Variants in EPB41L5 observed in about 807,000 individuals in gnomAD.
EPB41L5 encodes erythrocyte membrane protein band 4.1 like 5.
EPB41L5 carries 55 observed loss-of-function variants against 106.6 expected under a neutral mutation model. The ratio of observed to expected loss-of-function variants is 0.52; its 90% CI spans 0.42 to 0.65. The LOEUF (loss-of-function observed/expected upper bound fraction) is 0.65. Ranked by LOEUF, EPB41L5 falls within the 30% of genes least tolerant of loss-of-function variation. The pLI is 0.00. For missense variants in EPB41L5, 871 were observed against 882.1 expected, an observed-to-expected ratio of 0.99 and a Z score of 0.16; for synonymous variants, 297 against 306.7, an observed-to-expected ratio of 0.97 and a Z score of 0.33.
chr2:120,059,828 A>C (rs1276147817), intron 3 of EPB41L5, among the ~76,000 whole-genome samples: 2 of 152,206 alleles, frequency 1.3e-5, no homozygotes. Flanking sequence ...GGCTGCTGTG[A>C]GTGTGACAGC....
chr2:120,049,846 T>G (rs1212704181), intron 3 of EPB41L5, among the ~76,000 whole-genome samples: 2 of 152,220 alleles, frequency 1.3e-5, no homozygotes, highest in African/African-American at 4.8e-5. Flanking sequence ...GGAGCTCTTG[T>G]AAGGCATGCC....
intron 20 of EPB41L5, among the ~76,000 whole-genome samples, chr2:120,157,849 C>G (rs1044530890): frequency 1.3e-5 from 2 of 150,484 alleles, no homozygotes; most frequent in African/African-American, 4.9e-5. Context: ...AATAATAGAC[C>G]GCTAGGTAGA....
At chr2:120,082,525 T>G (rs534872671) in intron 10 of EPB41L5, among the ~76,000 whole-genome samples, 4 of 152,268 alleles carry the variant, frequency 2.6e-5, no homozygotes, top group South Asian at 2.1e-4. Flanking sequence ...TTATTGAGGA[T>G]TTTTGCATCG....
chr2:120,148,576 C>T (rs1019000004), intron 20 of EPB41L5, among the ~76,000 whole-genome samples: 5 of 152,160 alleles, frequency 3.3e-5, no homozygotes, highest in African/African-American at 1.2e-4. Context: ...TGTGGATTTA[C>T]CTACTCTGGA....
At chr2:120,111,713 T>C (rs897010550) in intron 16 of EPB41L5, among the ~76,000 whole-genome samples, 2 of 152,138 alleles carry the variant, frequency 1.3e-5, no homozygotes, top group African/African-American at 2.4e-5. Flanking sequence ...TCCTTGCCAT[T>C]GCCCTTGCTC....
chr2:120,161,051 C>A, intron 21 of EPB41L5, 77 bp downstream of exon 21: 2 of 974,500 alleles, frequency 2.1e-6, no homozygotes, highest in South Asian at 1.3e-5. Flanking sequence ...CCAAGGGCAT[C>A]TAGTGATTAC....
chr2:120,097,395 G>A (rs925888759), intron 14 of EPB41L5, among the ~76,000 whole-genome samples: 10 of 152,176 alleles, frequency 6.6e-5, no homozygotes, highest in Non-Finnish European at 1.3e-4. Context: ...AGTACTGTTT[G>A]AAAAGGCACA....
At position 120,127,833 on chromosome 2, in the gene EPB41L5, C is replaced by A. The variant is rs769970826; in HGVS notation, c.1483C>A (p.Pro495Thr). Residue 495 changes from proline (P) to threonine (T), a missense_variant, in exon 17 of 25, where the codon CCT (proline) becomes ACT (threonine). Physicochemically the swap from Pro to Thr is conservative, Grantham distance 38. Coordinates refer to ENST00000263713, the MANE Select transcript of EPB41L5 (RefSeq NM_020909.4). ...VATRLPGLGEPEVEYETLKDT... is the reference protein window; with the variant it reads ...VATRLPGLGETEVEYETLKDT... Reference sequence around the variant, plus strand: ...CACCAGGCTTCCGGGATTAGGGGAACCTGAAGTTGAATATGAGAGTAAGTA... The same window carrying A: ...CACCAGGCTTCCGGGATTAGGGGAAACTGAAGTTGAATATGAGAGTAAGTA... 7 of 1,609,594 alleles carry A rather than the reference C, an allele frequency of 4.3e-6. No individual in the cohort carries two copies. The highest frequency in any genetic ancestry group is 5.9e-6 in the Non-Finnish European group (7 of 1,177,058).
At chr2:120,164,941 A>G in intron 22 of EPB41L5, 31 bp downstream of exon 22, 1 of 1,500,194 alleles carries the variant, frequency 6.7e-7, no homozygotes, top group Non-Finnish European at 9.1e-7. Flanking sequence ...TATGATGGAA[A>G]GAAATTTCTG....
chr2:120,170,838 T>G (rs1687643194), intron 24 of EPB41L5, among the ~76,000 whole-genome samples: 1 of 152,178 alleles, frequency 6.6e-6, no homozygotes, highest in African/African-American at 2.4e-5. Flanking sequence ...TCTATAATGG[T>G]TACCCTTGAT....
chr2:120,086,493 T>C (rs922815243), intron 10 of EPB41L5, among the ~76,000 whole-genome samples: 2 of 152,130 alleles, frequency 1.3e-5, no homozygotes, highest in Non-Finnish European at 2.9e-5. Context: ...CTGGTTGCAG[T>C]GGCTCACGTC....
chr2:120,152,929 C>T (rs184398720), intron 20 of EPB41L5, among the ~76,000 whole-genome samples: 11 of 152,260 alleles, frequency 7.2e-5, no homozygotes, highest in Admixed American at 2.0e-4. Context: ...TTGTTTTTTA[C>T]TGAGAGGTTT....
At chr2:120,043,215 C>A (rs905065677) in intron 3 of EPB41L5, among the ~76,000 whole-genome samples, 4 of 151,960 alleles carry the variant, frequency 2.6e-5, no homozygotes, top group African/African-American at 7.3e-5. Context: ...TTTGGCGCAT[C>A]CTTGAAATTA....
rs759991166 is a variant in EPB41L5 at position 120,042,108 on chromosome 2, G to A, written c.283G>A (p.Ala95Thr). The A allele has an allele frequency of 6.2e-7, 1 of 1,611,666 alleles. No individual in the cohort carries two copies. Among genetic ancestry groups the A allele is most frequent in the South Asian group, 1.1e-5 (1 of 90,948 alleles). ...GAGATTTATGGATTCAGCACAAGTA[G>A]CAGTGAGTAACTGTTTTTTGGAAGT... ...GLRFMDSAQV[A>T]HWLDGTKSIK... Residue 95 changes from alanine to threonine, a missense_variant and splice_region_variant, in exon 3 of 25, where the codon GCA becomes ACA. Coordinates refer to ENST00000263713, the MANE Select transcript of EPB41L5 (RefSeq NM_020909.4).
At position 120,074,243 on chromosome 2, in the gene EPB41L5, T is replaced by C. The variant is rs547410917; in HGVS notation, c.407+65T>C. On this transcript the variant is annotated intron_variant, in intron 5 of 24. Transcript: ENST00000263713. ...TAGTTTTGAAAGACTGTCTTTATAT[T>C]GTTTCCAATTTATAGCCAGCTAATA... 5 of 1,243,582 alleles carry C rather than the reference T, an allele frequency of 4.0e-6. No homozygotes were observed. In the East Asian group the frequency reaches 9.7e-5, roughly 24 times the overall value. 77.0% of individuals were successfully genotyped at this position (1,243,582 alleles called of 1,614,324 possible).
intron 2 of EPB41L5, among the ~76,000 whole-genome samples, chr2:120,023,827 T>A (rs562046254): frequency 5.9e-5 from 9 of 152,334 alleles, no homozygotes; most frequent in African/African-American, 2.2e-4. Context: ...TGGAATGTTT[T>A]CCATTTGTTT....
chr2:120,162,881 TG>T lies in EPB41L5; in HGVS notation c.1887+1908del, dbSNP rs200891633. Among the ~76,000 whole-genome samples, 1,323 of 152,268 alleles carry T rather than the reference TG, an allele frequency of 8.7e-3. 19 individuals are homozygous for T. The highest frequency in any genetic ancestry group is 0.03 in the African/African-American group (1,257 of 41,530). ...AGGAGAGAACAGTTTTTCATGTTTT[TG>T]TGATTTAAATTAAGTTGCACGTTGA... On this transcript the variant is annotated intron_variant, in intron 21 of 24. Coordinates refer to ENST00000263713, the MANE Select transcript of EPB41L5 (RefSeq NM_020909.4).
intron 1 of EPB41L5, among the ~76,000 whole-genome samples, chr2:120,014,378 G>A (rs922062603): frequency 1.2e-4 from 19 of 152,298 alleles, no homozygotes; most frequent in Non-Finnish European, 2.4e-4. Context: ...ATTCCACTGT[G>A]TCATTCTAGT....
chr2:120,107,570 A>G (rs1348822498), intron 16 of EPB41L5, among the ~76,000 whole-genome samples: 1 of 151,982 alleles, frequency 6.6e-6, no homozygotes, highest in Non-Finnish European at 1.5e-5. Flanking sequence ...TGGGGAAACA[A>G]CTTTCTCTCC....
Sources: gnomAD v4.1 joint callset for allele counts (sites outside exome capture counted in the v4.1 genomes callset) on GRCh38, gnomAD v4.1.1 for gene constraint, MANE v1.5 for transcripts, NCBI Gene and HGNC (gene_info 2026-07-23, HGNC 2026-07-21) for gene names.